UBA6: variants seen among roughly 807,000 people sequenced by gnomAD.
The protein encoded by UBA6 is ubiquitin like modifier activating enzyme 6.
UBA6 carries 87 observed loss-of-function variants against 148.3 expected under a neutral mutation model. The observed-to-expected ratio is 0.59, with a 90% CI of 0.49 to 0.70. The LOEUF is 0.70. UBA6 is among the 30% of genes least tolerant of loss of function. UBA6 has a pLI of 0.00. For missense variants in UBA6, 1,186 were observed against 1,241.2 expected (o/e 0.96, Z 0.67); for synonymous variants, 376 against 401.0 (o/e 0.94, Z 0.75).
rs540206719 is a variant in UBA6 at position 67,665,930 on chromosome 4, G to T, written c.794-638C>A. On this transcript the variant is annotated intron_variant, in intron 9 of 32. Coordinates refer to ENST00000322244, the MANE Select transcript of UBA6 (RefSeq NM_018227.6). ...GTAACACTAAATAACAACCATAAAA[G>T]AAAATATTTAAAATTTGACTATAAA... 3.3e-5 allele frequency among the ~76,000 whole-genome samples: 5 copies of T among 152,090 alleles called. No homozygotes were observed. The East Asian group carries it at 7.7e-4, about 23-fold the overall frequency.
At chr4:67,625,311 C>A in intron 28 of UBA6, 124 bp from the exon 29 acceptor site, 1 of 739,268 alleles carries the variant, frequency 1.4e-6, no homozygotes. Flanking sequence ...GACTGAGAAA[C>A]ATAAGAAAAA....
intron 2 of UBA6, among the ~76,000 whole-genome samples, chr4:67,691,153 C>T (rs1004373491): frequency 2.0e-5 from 3 of 151,426 alleles, no homozygotes; most frequent in Admixed American, 6.6e-5. Context: ...AAAAAACTCA[C>T]GGATGAACTT....
chr4:67,628,486 T>C (rs1191309740), intron 27 of UBA6, among the ~76,000 whole-genome samples: 1 of 151,622 alleles, frequency 6.6e-6, no homozygotes, highest in Non-Finnish European at 1.5e-5. Context: ...TATCAGAGGT[T>C]TTCCTCACTT....
At chr4:67,640,946 C>A (rs1317447694) in intron 18 of UBA6, among the ~76,000 whole-genome samples, 2 of 152,160 alleles carry the variant, frequency 1.3e-5, no homozygotes, top group Non-Finnish European at 2.9e-5. Flanking sequence ...TTTCACAACT[C>A]AGGTTTCAAT....
At chr4:67,687,128 C>T (rs1293625443) in intron 2 of UBA6, among the ~76,000 whole-genome samples, 2 of 149,872 alleles carry the variant, frequency 1.3e-5, no homozygotes, top group Admixed American at 1.3e-4. Flanking sequence ...CTCTGCCTCC[C>T]GGGTTCAAGT....
intron 18 of UBA6, among the ~76,000 whole-genome samples, chr4:67,639,365 CCTT>C (rs1434389325): frequency 6.6e-6 from 1 of 151,960 alleles, no homozygotes; most frequent in Non-Finnish European, 1.5e-5. Context: ...AATCTAAACA[CCTT>C]CTATCTTATA....
chr4:67,649,362 T>C, intron 13 of UBA6, 151 bp from the exon 14 acceptor site: 3 of 761,108 alleles, frequency 3.9e-6, no homozygotes, highest in Non-Finnish European at 6.0e-6. Context: ...CCCAATTTCA[T>C]GATAACAGAC....
chr4:67,683,418 T>C (rs1200406717), intron 2 of UBA6, among the ~76,000 whole-genome samples: 3 of 152,208 alleles, frequency 2.0e-5, no homozygotes, highest in African/African-American at 7.2e-5. Context: ...TGACCATTCT[T>C]ATAAACATCT....
chr4:67,625,537 T>G (rs1210609531), intron 28 of UBA6, among the ~76,000 whole-genome samples: 1 of 151,862 alleles, frequency 6.6e-6, no homozygotes, highest in Non-Finnish European at 1.5e-5. Flanking sequence ...AAAGCCAACA[T>G]TAGGTATAGT....
intron 13 of UBA6, among the ~76,000 whole-genome samples, chr4:67,656,126 C>T (rs192369919): frequency 8.9e-4 from 135 of 152,304 alleles, no homozygotes; most frequent in Admixed American, 1.9e-3. Context: ...GGAGCTGGTA[C>T]CATTCCTTCT....
At chr4:67,668,025 TTA>T in intron 9 of UBA6, among the ~76,000 whole-genome samples, 1 of 152,192 alleles carries the variant, frequency 6.6e-6, no homozygotes, top group African/African-American at 2.4e-5. Context: ...ACTATACTCT[TTA>T]TCTTATCTCC....
At chr4:67,673,175 G>T (rs1730190542) in intron 7 of UBA6, among the ~76,000 whole-genome samples, 1 of 151,988 alleles carries the variant, frequency 6.6e-6, no homozygotes, top group African/African-American at 2.4e-5. Context: ...TAAAATTAGA[G>T]GCTGGGCGCA....
At chr4:67,653,718 T>A (rs370099883) in intron 13 of UBA6, among the ~76,000 whole-genome samples, 1 of 152,272 alleles carries the variant, frequency 6.6e-6, no homozygotes, top group Non-Finnish European at 1.5e-5. Context: ...CTTCAGAAGG[T>A]TGGTAATAAC....
In UBA6 at chr4:67,629,239, T is replaced by C. The variant is rs999416977; in HGVS notation, c.2329-97A>G. On this transcript the variant is annotated intron_variant, in intron 26 of 32. Transcript: ENST00000322244. ...AGGTCCTTAATCATATTACAATATATGAATATTTCATTATCTGAATATGTA... is the reference window on the plus strand; with the variant it reads ...AGGTCCTTAATCATATTACAATATACGAATATTTCATTATCTGAATATGTA... 74 of 754,646 alleles carry C rather than the reference T, an allele frequency of 9.8e-5. No individual in the cohort carries two copies. In the South Asian group the frequency reaches 1.0e-3, roughly 10 times the overall value. The allele number at this position is 754,646 out of a possible 1,614,324, so 46.7% of individuals were successfully genotyped here.
At chr4:67,687,996 A>G (rs1730611628) in intron 2 of UBA6, among the ~76,000 whole-genome samples, 2 of 152,236 alleles carry the variant, frequency 1.3e-5, no homozygotes. Flanking sequence ...GAAGAGTCAT[A>G]GTAGTAAAAG....
intron 12 of UBA6, chr4:67,662,834 T>TA: frequency 2.6e-5 from 6 of 228,018 alleles, no homozygotes; most frequent in African/African-American, 4.6e-5. Context: ...GGATATAAAG[T>TA]TAAAAAAAAA....
At chr4:67,688,411 C>G (rs186014527) in intron 2 of UBA6, among the ~76,000 whole-genome samples, 100 of 152,136 alleles carry the variant, frequency 6.6e-4, no homozygotes, top group African/African-American at 2.3e-3. Flanking sequence ...TCTAATTCAC[C>G]TAACAATAAA....
At chr4:67,666,414 A>G (rs1218552617) in intron 9 of UBA6, among the ~76,000 whole-genome samples, 1 of 151,026 alleles carries the variant, frequency 6.6e-6, no homozygotes, top group Admixed American at 6.6e-5. Flanking sequence ...TAGTAAACAT[A>G]TAAAGTAGAC....
At chr4:67,661,222 TG>T (rs1303041600) in intron 13 of UBA6, among the ~76,000 whole-genome samples, 6 of 152,302 alleles carry the variant, frequency 3.9e-5, no homozygotes, top group African/African-American at 1.2e-4. Flanking sequence ...GACTGTGTTT[TG>T]AAACGTGAGT....
Sources: gnomAD v4.1 joint callset for allele counts (sites outside exome capture counted in the v4.1 genomes callset) on GRCh38, gnomAD v4.1.1 for gene constraint, MANE v1.5 for transcripts, NCBI Gene and HGNC (gene_info 2026-07-23, HGNC 2026-07-21) for gene names.